PRDM5: variants seen among roughly 807,000 people sequenced by gnomAD.
The protein encoded by PRDM5 is PR domain zinc finger protein 5.
In PRDM5, 56 loss-of-function variants were observed where a neutral mutation model predicts 81.2. The ratio of observed to expected loss-of-function variants is 0.69; its 90% CI spans 0.56 to 0.86. The LOEUF (loss-of-function observed/expected upper bound fraction) is 0.86, where lower values mean the gene tolerates loss of function less well. PRDM5 is among the 40% of genes least tolerant of loss of function. The pLI is 0.00. For synonymous variants in PRDM5, 267 were observed against 256.4 expected, an observed-to-expected ratio of 1.04 and a Z score of -0.39; for missense variants, 697 against 770.1, an observed-to-expected ratio of 0.91 and a Z score of 1.12.
At chr4:120,901,383 C>CA in intron 2 of PRDM5, among the ~76,000 whole-genome samples, 1 of 152,162 alleles carries the variant, frequency 6.6e-6, no homozygotes, top group South Asian at 2.1e-4. Context: ...TGACTAATTA[C>CA]CCTGGTAATA....
chr4:120,690,225 A>C (rs548125685), downstream of PRDM5, among the ~76,000 whole-genome samples: 8 of 152,308 alleles, frequency 5.3e-5, no homozygotes, highest in African/African-American at 1.9e-4. Flanking sequence ...AGGAATGAAT[A>C]GATAATATAT....
intron 3 of PRDM5, among the ~76,000 whole-genome samples, chr4:120,845,742 T>C (rs763223950): frequency 6.6e-6 from 1 of 152,190 alleles, no homozygotes; most frequent in Non-Finnish European, 1.5e-5. Flanking sequence ...ACACACTTCA[T>C]AAGGCTATTG....
chr4:120,922,417 G>A (rs1320204355), intron 1 of PRDM5, 99 bp downstream of exon 1: 2 of 1,194,092 alleles, frequency 1.7e-6, no homozygotes, highest in Non-Finnish European at 2.1e-6. Flanking sequence ...GGCGACCGGG[G>A]TGAAGCCCGC....
At chr4:120,759,627 C>A (rs1442071576) in intron 13 of PRDM5, among the ~76,000 whole-genome samples, 2 of 152,214 alleles carry the variant, frequency 1.3e-5, no homozygotes, top group Non-Finnish European at 2.9e-5. Flanking sequence ...TTCACCTACA[C>A]ATAAAATGAT....
At chr4:120,700,800 G>A (rs750044854) in intron 15 of PRDM5, among the ~76,000 whole-genome samples, 4 of 152,068 alleles carry the variant, frequency 2.6e-5, no homozygotes, top group Non-Finnish European at 4.4e-5. Flanking sequence ...ACCACAATGC[G>A]ATATTATCTC....
chr4:120,802,947 TA>T (rs1250133765), intron 8 of PRDM5, among the ~76,000 whole-genome samples: 2 of 152,148 alleles, frequency 1.3e-5, no homozygotes, highest in Non-Finnish European at 2.9e-5. Context: ...GCAGAGAAGC[TA>T]AAAACCTTGA....
intron 14 of PRDM5, among the ~76,000 whole-genome samples, chr4:120,715,402 A>C (rs1737605268): frequency 6.6e-6 from 1 of 152,204 alleles, no homozygotes; most frequent in Non-Finnish European, 1.5e-5. Flanking sequence ...AATATGTTTA[A>C]TGAGTCTTCC....
intron 3 of PRDM5, among the ~76,000 whole-genome samples, chr4:120,833,123 C>T (rs957692952): frequency 5.9e-4 from 89 of 152,130 alleles, no homozygotes; most frequent in African/African-American, 1.9e-3. Context: ...TCTGCACTTT[C>T]GCTTTCTGCT....
At chr4:120,760,383 T>C (rs547240770) in intron 13 of PRDM5, among the ~76,000 whole-genome samples, 5 of 152,310 alleles carry the variant, frequency 3.3e-5, no homozygotes, top group East Asian at 1.9e-4. Flanking sequence ...GAGAACTACA[T>C]ACAGGTAGTC....
At chr4:120,863,191 T>TAAACACACACACAC in intron 2 of PRDM5, among the ~76,000 whole-genome samples, 1 of 70,322 alleles carries the variant, frequency 1.4e-5, no homozygotes, top group Non-Finnish European at 2.8e-5. Context: ...TATATATATA[T>TAAACACACACACAC]ACACACACAC....
chr4:120,751,050 T>C (rs1357560860), intron 14 of PRDM5, among the ~76,000 whole-genome samples: 1 of 152,180 alleles, frequency 6.6e-6, no homozygotes. Context: ...TAGTATCTGT[T>C]TTGAACTGAG....
chr4:120,880,840 G>A (rs541288256), intron 2 of PRDM5, among the ~76,000 whole-genome samples: 116 of 152,072 alleles, frequency 7.6e-4, no homozygotes, highest in African/African-American at 2.5e-3. Flanking sequence ...TGATGAAAAC[G>A]CTCATCAATT....
chr4:120,792,358 C>T (rs1750697716), intron 10 of PRDM5, among the ~76,000 whole-genome samples: 1 of 152,178 alleles, frequency 6.6e-6, no homozygotes, highest in Admixed American at 6.5e-5. Flanking sequence ...AGGTTCACAA[C>T]TCGAGCTCCA....
rs142586962 is a variant in PRDM5, at chr4:120,861,909, G to A, written c.178-8369C>T. On this transcript the variant is annotated intron_variant, in intron 2 of 15. Coordinates refer to ENST00000264808, the MANE Select transcript of PRDM5 (RefSeq NM_018699.4). ...AAAAGAACATCATGTAATCCACAGG[G>A]AGAAAAAAATTTTTTTAATCTACTT... Among the ~76,000 whole-genome samples the A allele has an allele frequency of 1.2e-3, 176 of 152,226 alleles. 1 individual carries two copies. Among genetic ancestry groups the A allele is most frequent in the African/African-American group, 4.0e-3 (168 of 41,554 alleles).
At chr4:120,778,349 A>C (rs1483963491) in intron 12 of PRDM5, among the ~76,000 whole-genome samples, 2 of 152,132 alleles carry the variant, frequency 1.3e-5, no homozygotes, top group Non-Finnish European at 2.9e-5. Flanking sequence ...AGAATAGAAA[A>C]AGGTTTTTTT....
At chr4:120,717,810 C>T (rs1391671529) in intron 14 of PRDM5, among the ~76,000 whole-genome samples, 4 of 152,176 alleles carry the variant, frequency 2.6e-5, no homozygotes, top group African/African-American at 9.7e-5. Context: ...TGGTTGCTGT[C>T]TATGGTTTAC....
At chr4:120,769,176 T>C (rs572101211) in intron 13 of PRDM5, among the ~76,000 whole-genome samples, 7 of 152,220 alleles carry the variant, frequency 4.6e-5, no homozygotes, top group Non-Finnish European at 1.0e-4. Flanking sequence ...TTGTAAGTTA[T>C]TTTATCTATT....
chr4:120,874,219 G>A (rs938553277), intron 2 of PRDM5, among the ~76,000 whole-genome samples: 2 of 152,082 alleles, frequency 1.3e-5, no homozygotes, highest in Non-Finnish European at 2.9e-5. Flanking sequence ...TATCATTAAT[G>A]AAAATTTCAC....
At position 120,799,648 on chromosome 4, in the gene PRDM5, G is replaced by T; in HGVS notation, c.1030+13C>A. The stretch of plus-strand genomic sequence containing the variant: ...AATGATATCACTATAAACAAAAAAA[G>T]TATATAGTTTACCTGAGTGGGTGAT... On this transcript the variant is annotated intron_variant, in intron 9 of 15. Coordinates refer to ENST00000264808, the MANE Select transcript of PRDM5 (RefSeq NM_018699.4). The T allele has an allele frequency of 6.2e-7, 1 of 1,610,938 alleles. No homozygotes were observed. The highest frequency in any genetic ancestry group is 8.5e-7 in the Non-Finnish European group (1 of 1,179,140).
Sources: gnomAD v4.1 joint callset for allele counts (sites outside exome capture counted in the v4.1 genomes callset) on GRCh38, gnomAD v4.1.1 for gene constraint, MANE v1.5 for transcripts, NCBI Gene and HGNC (gene_info 2026-07-23, HGNC 2026-07-21) for gene names.